The following MEIOSIN variants were observed in gnomAD, a reference collection of about 807,000 sequenced individuals.
The protein encoded by MEIOSIN is meiosis initiator.
Under a neutral mutation model 23.4 loss-of-function variants are expected in MEIOSIN, and 18 were observed. That is an observed-to-expected ratio of 0.77 (90% CI 0.53 to 1.14). The LOEUF (loss-of-function observed/expected upper bound fraction) is 1.14, where lower values mean the gene tolerates loss of function less well. MEIOSIN is among the 50% of genes most tolerant of loss of function. The probability of loss-of-function intolerance (pLI) is 0.00; values close to 1 mark genes in which losing one functional copy is unlikely to be tolerated. For missense variants in MEIOSIN, 428 were observed against 242.9 expected (o/e 1.76, Z -5.07); for synonymous variants, 187 against 100.6 (o/e 1.86, Z -5.14).
intron 5 of MEIOSIN, among the ~76,000 whole-genome samples, chr19:45,751,350 C>T (rs1207478456): frequency 6.6e-6 from 1 of 150,772 alleles, no homozygotes; most frequent in East Asian, 1.9e-4. Context: ...ATGACCTTCC[C>T]CTGGCATAAA....
intron 5 of MEIOSIN, among the ~76,000 whole-genome samples, chr19:45,752,405 A>G (rs528900886): frequency 1.3e-5 from 2 of 151,872 alleles, no homozygotes; most frequent in South Asian, 4.2e-4. Context: ...TAGTAGAGAC[A>G]GGATTTTGCC....
At position 45,759,088 on chromosome 19, in the gene MEIOSIN, C is replaced by G. The variant is rs544966811; in HGVS notation, c.1168+55C>G. The stretch of plus-strand genomic sequence containing the variant: ...GTTCATTCGGGAAACATACGGTGCC[C>G]AGGCCTGCGCTGGGCCATCCTGGGT... On this transcript the variant is annotated intron_variant, in intron 10 of 14. Transcript: ENST00000457052. 434 of 700,664 alleles carry G rather than the reference C, an allele frequency of 6.2e-4. 11 individuals are homozygous for G. In the South Asian group the frequency reaches 6.3e-3, roughly 10 times the overall value. The allele number at this position is 700,664 out of a possible 1,614,324, so 43.4% of individuals were successfully genotyped here. A position where few individuals can be genotyped will look rare whatever the true frequency, so the allele number is the denominator to read the frequency against.
rs1354888519 is a variant in MEIOSIN, at chr19:45,755,793, T to A, written c.803-177T>A. Among the ~76,000 whole-genome samples, 15 of 151,768 alleles carry A rather than the reference T, an allele frequency of 9.9e-5. No homozygotes were observed. In the East Asian group the frequency reaches 2.9e-3, roughly 29 times the overall value. On this transcript the variant is annotated intron_variant, in intron 7 of 14. Transcript: ENST00000457052. ...ATGTGGGATTCAAAAAACCCAGGGGTGATTTGGGGCACCCCTCAGCCTCAC... is the reference window on the plus strand; with the variant it reads ...ATGTGGGATTCAAAAAACCCAGGGGAGATTTGGGGCACCCCTCAGCCTCAC...
At chr19:45,744,943 A>G (rs998330645) in intron 3 of MEIOSIN, among the ~76,000 whole-genome samples, 4 of 152,306 alleles carry the variant, frequency 2.6e-5, no homozygotes, top group African/African-American at 9.6e-5. Flanking sequence ...GGATGTTAAC[A>G]CATGGACTAG....
chr19:45,746,840 A>G (rs962154399), intron 4 of MEIOSIN, among the ~76,000 whole-genome samples: 12 of 151,736 alleles, frequency 7.9e-5, no homozygotes, highest in Admixed American at 3.3e-4. Context: ...AAAAAAAAAA[A>G]GATCCTTAAC....
Position 45,761,772 on chromosome 19 carries a change from G to T in MEIOSIN, c.1339G>T (p.Gly447Trp), listed in dbSNP as rs527392009. Residue 447 changes from glycine to tryptophan, a missense_variant, in exon 12 of 15, where the codon GGG becomes TGG. Gly to Trp is a radical substitution (Grantham distance 184). Coordinates refer to ENST00000457052, the MANE Select transcript of MEIOSIN (RefSeq NM_001310124.2). Reference sequence around the variant, plus strand: ...GGACCACTGCTACCTCTCGCTGAGCGGGAACAGCAAGGCGCCATCCAGCTC... The same window carrying T: ...GGACCACTGCTACCTCTCGCTGAGCTGGAACAGCAAGGCGCCATCCAGCTC... ...SLDHCYLSLS[G>W]NSKAPSSSSS... 2.9e-6 allele frequency: 2 copies of T among 701,000 alleles called. No homozygotes were observed. The highest frequency in any genetic ancestry group is 5.2e-6 in the Non-Finnish European group (2 of 383,918). The allele number at this position is 701,000 out of a possible 1,614,324, so 43.4% of individuals were successfully genotyped here.
chr19:45,739,742 A>G lies in MEIOSIN; in HGVS notation c.176+12A>G. 1 of 703,612 alleles carries G rather than the reference A, an allele frequency of 1.4e-6. No individual in the cohort carries two copies. The highest frequency in any genetic ancestry group is 2.6e-6 in the Non-Finnish European group (1 of 385,118). The allele number at this position is 703,612 out of a possible 1,614,324, so 43.6% of individuals were successfully genotyped here. A position where few individuals can be genotyped will look rare whatever the true frequency, so the allele number is the denominator to read the frequency against. On this transcript the variant is annotated intron_variant, in intron 3 of 14. Transcript: ENST00000457052. ...AAAGGAAAACTGAGGTACTGTTAAC[A>G]GAAAAGGGGGGATTGGATGTTGGCC...
intron 4 of MEIOSIN, among the ~76,000 whole-genome samples, chr19:45,746,064 G>C (rs949508547): frequency 2.6e-4 from 39 of 152,018 alleles, no homozygotes; most frequent in African/African-American, 9.2e-4. Flanking sequence ...TGCTTCCCAG[G>C]CTCAAGCAAT....
At chr19:45,739,849 C>A in intron 3 of MEIOSIN, 119 bp downstream of exon 3, 1 of 610,228 alleles carries the variant, frequency 1.6e-6, no homozygotes, top group Non-Finnish European at 2.9e-6. Flanking sequence ...TGCTTTCTTT[C>A]TTCCTTTTTT....
chr19:45,763,845 C>T, intron 14 of MEIOSIN, 126 bp from the exon 15 acceptor site: 1 of 397,728 alleles, frequency 2.5e-6, no homozygotes, highest in Non-Finnish European at 4.4e-6. Flanking sequence ...TTGGTGGACC[C>T]AAGGCTCGCC....
chr19:45,745,121 G>A lies in MEIOSIN; in HGVS notation c.177-71G>A, dbSNP rs925595667. On this transcript the variant is annotated intron_variant, in intron 3 of 14. Coordinates refer to ENST00000457052, the MANE Select transcript of MEIOSIN (RefSeq NM_001310124.2). ...AGCCCTAAAATGAGTAACACAGACA[G>A]GAGGTTTGCGGGTTGGATGTGGAAT... 3 of 698,362 alleles carry A rather than the reference G, an allele frequency of 4.3e-6. No homozygotes were observed. In the East Asian group the frequency reaches 8.1e-5, roughly 19 times the overall value. The allele number at this position is 698,362 out of a possible 1,614,324, so 43.3% of individuals were successfully genotyped here.
chr19:45,759,039 G>T lies in MEIOSIN; in HGVS notation c.1168+6G>T. The T allele has an allele frequency of 1.4e-6, 1 of 703,062 alleles. No individual in the cohort carries two copies. 43.6% of individuals were successfully genotyped at this position (703,062 alleles called of 1,614,324 possible). A position where few individuals can be genotyped will look rare whatever the true frequency, so the allele number is the denominator to read the frequency against. ...CATGGAGTACCTGACCCAAGGTGAG[G>T]CCCAGGCCTGGCCCTGATGCTTAGT... On this transcript the variant is annotated splice_donor_region_variant and intron_variant, in intron 10 of 14. Transcript: ENST00000457052.
rs1280243198 is a variant in MEIOSIN at position 45,754,697 on chromosome 19, G to C, written c.775G>C (p.Glu259Gln). The C allele has an allele frequency of 1.6e-5, 11 of 703,070 alleles. No homozygotes were observed. Among genetic ancestry groups the C allele is most frequent in the Non-Finnish European group, 2.9e-5 (11 of 385,028 alleles). 43.6% of individuals were successfully genotyped at this position (703,070 alleles called of 1,614,324 possible). A position where few individuals can be genotyped will look rare whatever the true frequency, so the allele number is the denominator to read the frequency against. Residue 259 changes from glutamate to glutamine, a missense_variant, in exon 7 of 15, where the codon GAG becomes CAG. By Grantham distance (29) the Glu-to-Gln change is conservative (BLOSUM62 2). Coordinates refer to ENST00000457052, the MANE Select transcript of MEIOSIN (RefSeq NM_001310124.2). Reference protein sequence around the residue: ...QSQLTLLDLAEDTIHCDISSC... With the variant: ...QSQLTLLDLAQDTIHCDISSC... ...CCAGCTGACGCTGTTGGATCTGGCC[G>C]AGGACACCATCCACTGTGACATCTC...
intron 3 of MEIOSIN, among the ~76,000 whole-genome samples, chr19:45,743,466 C>A (rs1265551338): frequency 6.6e-6 from 1 of 151,782 alleles, no homozygotes; most frequent in East Asian, 1.9e-4. Flanking sequence ...AACCCCAACA[C>A]CCCCTTGGCT....
chr19:45,749,878 C>T (rs1308421306), intron 4 of MEIOSIN, among the ~76,000 whole-genome samples: 1 of 151,110 alleles, frequency 6.6e-6, no homozygotes, highest in Non-Finnish European at 1.5e-5. Flanking sequence ...GTGGCACGCA[C>T]CTCTAGTCCC....
chr19:45,762,170 A>G lies in MEIOSIN; in HGVS notation c.1666A>G (p.Lys556Glu). 2.4e-6 allele frequency: 1 copy of G among 409,540 alleles called. No individual in the cohort carries two copies. Among genetic ancestry groups the G allele is most frequent in the Non-Finnish European group, 4.3e-6 (1 of 232,842 alleles). 25.4% of individuals were successfully genotyped at this position (409,540 alleles called of 1,614,324 possible). The change falls in exon 13 of 15, where the codon AAG becomes GAG. Residue 556 changes from lysine (K) to glutamate (E), a missense_variant. Coordinates refer to ENST00000457052, the MANE Select transcript of MEIOSIN (RefSeq NM_001310124.2). The stretch of plus-strand genomic sequence containing the variant: ...CATCATGTTCTGCAGGATGAACCGG[A>G]AGCAGTACATCCGGTGGGTAGGGGG... ...GFIMFCRMNR[K>E]QYIRSCPGTA...
chr19:45,759,925 C>G (rs1046760448), intron 11 of MEIOSIN, among the ~76,000 whole-genome samples: 2 of 152,014 alleles, frequency 1.3e-5, no homozygotes, highest in African/African-American at 2.4e-5. Flanking sequence ...CCTCAGCCCC[C>G]CTAGTAGCTG....
chr19:45,741,849 GTTTAT>G (rs1968511268), intron 3 of MEIOSIN, among the ~76,000 whole-genome samples: 1 of 151,864 alleles, frequency 6.6e-6, no homozygotes, highest in African/African-American at 2.4e-5. Flanking sequence ...TTATTTTAAA[GTTTAT>G]TTTATTTTAT....
At chr19:45,735,273 C>A in intron 1 of MEIOSIN, 104 bp from the exon 2 acceptor site, 1 of 654,294 alleles carries the variant, frequency 1.5e-6, no homozygotes. Context: ...TCTCTGGGTG[C>A]TCAAAGGAGC....
Sources: gnomAD v4.1 joint callset for allele counts (sites outside exome capture counted in the v4.1 genomes callset) on GRCh38, gnomAD v4.1.1 for gene constraint, MANE v1.5 for transcripts, NCBI Gene and HGNC (gene_info 2026-07-23, HGNC 2026-07-21) for gene names.